Variants in EIF4G3 observed in about 807,000 individuals in gnomAD.
EIF4G3 encodes the protein eIF-4-gamma 3.
Under a neutral mutation model 186.4 loss-of-function variants are expected in EIF4G3, and 34 were observed. The ratio of observed to expected loss-of-function variants is 0.18; its 90% CI spans 0.14 to 0.24. The LOEUF is 0.24. EIF4G3 is among the 10% of genes least tolerant of loss of function. EIF4G3 has a pLI of 1.00. For missense variants in EIF4G3, 1,536 were observed against 1,948.5 expected, an observed-to-expected ratio of 0.79 and a Z score of 3.99; for synonymous variants, 673 against 679.5, an observed-to-expected ratio of 0.99 and a Z score of 0.15.
chr1:20,820,558 G>T (rs1194521134), intron 33 of EIF4G3, among the ~76,000 whole-genome samples: 3 of 152,218 alleles, frequency 2.0e-5, no homozygotes, highest in East Asian at 3.9e-4. Flanking sequence ...GGCCAGGGAG[G>T]ACCTGAAGGC....
At chr1:21,022,947 A>C (rs2091096021) in intron 4 of EIF4G3, among the ~76,000 whole-genome samples, 1 of 151,962 alleles carries the variant, frequency 6.6e-6, no homozygotes, top group Admixed American at 6.6e-5. Context: ...AATCACTTTC[A>C]GTTTTCTTTC....
At chr1:21,018,106 TAAAA>T (rs77494925) in intron 4 of EIF4G3, among the ~76,000 whole-genome samples, 1 of 141,598 alleles carries the variant, frequency 7.1e-6, no homozygotes, top group Admixed American at 7.1e-5. Context: ...GCCCAGTAAT[TAAAA>T]AAAAAAAAAA....
chr1:20,975,118 A>G (rs181792552), intron 10 of EIF4G3, among the ~76,000 whole-genome samples: 1 of 152,296 alleles, frequency 6.6e-6, no homozygotes, highest in East Asian at 1.9e-4. Context: ...GGGCATGACT[A>G]TGATTTCAGT....
At chr1:21,020,833 C>T (rs2090503653) in intron 4 of EIF4G3, among the ~76,000 whole-genome samples, 1 of 152,110 alleles carries the variant, frequency 6.6e-6, no homozygotes, top group African/African-American at 2.4e-5. Flanking sequence ...AATGCAGAAA[C>T]TTTTAAAATC....
chr1:20,923,728 G>A (rs1388766154), intron 14 of EIF4G3, among the ~76,000 whole-genome samples: 3 of 151,712 alleles, frequency 2.0e-5, no homozygotes, highest in Non-Finnish European at 2.9e-5. Context: ...ACCTTAATAT[G>A]TGGGAGCTAC....
chr1:20,963,957 A>AT (rs34380976), intron 12 of EIF4G3, among the ~76,000 whole-genome samples: 1 of 150,868 alleles, frequency 6.6e-6, no homozygotes, highest in African/African-American at 2.4e-5. Flanking sequence ...AAATTAAGTG[A>AT]TTTTTGATCC....
chr1:21,021,927 AAATC>A (rs1462871342), intron 4 of EIF4G3, among the ~76,000 whole-genome samples: 1 of 152,166 alleles, frequency 6.6e-6, no homozygotes, highest in Non-Finnish European at 1.5e-5. Context: ...TAAATCAAGA[AAATC>A]AAAGTAAAAC....
intron 29 of EIF4G3, among the ~76,000 whole-genome samples, chr1:20,844,132 T>TAA (rs546793596): frequency 1.1e-3 from 166 of 152,332 alleles, no homozygotes; most frequent in African/African-American, 3.9e-3. Flanking sequence ...TGCATGTGTC[T>TAA]TTATAAGAGA....
At chr1:20,868,090 C>CTTTTCTTT (rs1553236851) in intron 20 of EIF4G3, among the ~76,000 whole-genome samples, 11 of 90,416 alleles carry the variant, frequency 1.2e-4, no homozygotes, top group African/African-American at 1.6e-4. Context: ...TGGTGATTTT[C>CTTTTCTTT]TTTTTTTTTT....
At chr1:20,988,429 G>C (rs1260687158) in intron 7 of EIF4G3, 1 of 168,622 alleles carries the variant, frequency 5.9e-6, no homozygotes, top group Non-Finnish European at 1.5e-5. Flanking sequence ...TCAACAGGCT[G>C]ACTCTACTGT....
At chr1:21,089,355 C>T in intron 2 of EIF4G3, 142 bp from the exon 3 acceptor site, 1 of 597,314 alleles carries the variant, frequency 1.7e-6, no homozygotes, top group East Asian at 2.9e-5. Flanking sequence ...AAACTAAAAA[C>T]CAAATGTTTC....
At chr1:21,106,066 C>CTT (rs1048552858) in intron 2 of EIF4G3, among the ~76,000 whole-genome samples, 30 of 132,348 alleles carry the variant, frequency 2.3e-4, no homozygotes, top group African/African-American at 6.1e-4. Context: ...GACCCTGTCT[C>CTT]TTTTTTTTTT....
intron 4 of EIF4G3, among the ~76,000 whole-genome samples, chr1:21,017,334 G>A (rs2089403930): frequency 6.6e-6 from 1 of 151,958 alleles, no homozygotes; most frequent in Non-Finnish European, 1.5e-5. Context: ...GGAGTTAGAA[G>A]TTTAGTGTCC....
intron 2 of EIF4G3, among the ~76,000 whole-genome samples, chr1:21,168,318 T>C (rs971203050): frequency 1.3e-5 from 2 of 151,876 alleles, no homozygotes; most frequent in African/African-American, 2.4e-5. Context: ...GGCAGGAGAA[T>C]TGCTTGACCC....
chr1:21,091,783 GCTCT>G (rs1040672373), intron 2 of EIF4G3, among the ~76,000 whole-genome samples: 11 of 151,970 alleles, frequency 7.2e-5, no homozygotes, highest in Non-Finnish European at 8.8e-5. Flanking sequence ...TCATGATTTG[GCTCT>G]CTGTTTGTCT....
Position 20,806,966 on chromosome 1 carries a change from G to A in EIF4G3, c.*353C>T, listed in dbSNP as rs1011248452. 1 of 155,814 alleles carries A rather than the reference G, an allele frequency of 6.4e-6. No homozygotes were observed. Among genetic ancestry groups the A allele is most frequent in the Admixed American group, 6.5e-5 (1 of 15,314 alleles). The allele number at this position is 155,814 out of a possible 1,614,324, so 9.7% of individuals were successfully genotyped here. On this transcript the variant is annotated 3_prime_UTR_variant, in exon 37 of 37. Transcript: ENST00000602326. ...AACTGCAAATTAAAAAATTACACTG[G>A]CATTTGCAGTCCTTAAAATAAATTA... is the stretch of plus-strand genomic sequence containing the variant.
intron 33 of EIF4G3, among the ~76,000 whole-genome samples, chr1:20,819,288 T>A (rs1436056934): frequency 2.0e-5 from 3 of 151,426 alleles, no homozygotes; most frequent in Non-Finnish European, 4.4e-5. Flanking sequence ...ATATATATAT[T>A]ATTTTGCCTT....
intron 14 of EIF4G3, among the ~76,000 whole-genome samples, chr1:20,920,733 C>T (rs572978056): frequency 2.0e-5 from 3 of 152,194 alleles, no homozygotes; most frequent in East Asian, 3.9e-4. Context: ...AAACTTCCAC[C>T]GAGAGCTTGG....
chr1:21,148,702 A>G (rs993171397), intron 2 of EIF4G3, among the ~76,000 whole-genome samples: 34 of 116,076 alleles, frequency 2.9e-4, no homozygotes, highest in Admixed American at 9.1e-4. Flanking sequence ...ACTCTGTCTC[A>G]TTTAAAAAAA....
Sources: allele counts gnomAD v4.1 joint callset (sites outside exome capture counted in the v4.1 genomes callset), GRCh38; gene constraint gnomAD v4.1.1; transcripts MANE v1.5; gene names NCBI Gene and HGNC (gene_info 2026-07-23, HGNC 2026-07-21).